TRPS1: variants seen among roughly 807,000 people sequenced by gnomAD.
TRPS1 encodes transcriptional repressor GATA binding 1, also known as zinc finger transcription factor Trps1.
Under a neutral mutation model 101.2 loss-of-function variants are expected in TRPS1, and 6 were observed. The observed-to-expected ratio is 0.06, with a 90% CI of 0.03 to 0.12. The LOEUF is 0.12. TRPS1 is among the 10% of genes least tolerant of loss of function. The probability of loss-of-function intolerance (pLI) is 1.00; values close to 1 mark genes in which losing one functional copy is unlikely to be tolerated. For missense variants in TRPS1, 1,363 were observed against 1,567.0 expected (o/e 0.87, Z 2.20); for synonymous variants, 578 against 589.8 (o/e 0.98, Z 0.29).
rs936422952 is a variant in TRPS1 at position 115,408,605 on chromosome 8, A to G, written c.*5418T>C. 14 of 151,508 alleles carry G rather than the reference A, an allele frequency of 9.2e-5. No individual in the cohort carries two copies. The Admixed American group carries it at 9.3e-4, about 10-fold the overall frequency. The allele number at this position is 151,508 out of a possible 1,614,324, so 9.4% of individuals were successfully genotyped here. A position where few individuals can be genotyped will look rare whatever the true frequency, so the allele number is the denominator to read the frequency against. ...ACACCAAGAACATGTTTGTGAGTAG[A>G]AATGAACATGCACTATGAAAACAAA... On this transcript the variant is annotated 3_prime_UTR_variant, in exon 7 of 7. Coordinates refer to ENST00000395715, the MANE Select transcript of TRPS1 (RefSeq NM_014112.5).
chr8:115,491,476 G>T (rs1815019547), intron 5 of TRPS1, among the ~76,000 whole-genome samples: 1 of 152,050 alleles, frequency 6.6e-6, no homozygotes. Flanking sequence ...GCTACCAGAA[G>T]GAATCATGGT....
At chr8:115,506,148 T>C (rs773937665) in intron 5 of TRPS1, among the ~76,000 whole-genome samples, 21 of 152,018 alleles carry the variant, frequency 1.4e-4, no homozygotes, top group Non-Finnish European at 2.9e-4. Flanking sequence ...CTAAAAGTTA[T>C]TGGTAAAATT....
chr8:115,629,537 C>T (rs1818591895), intron 1 of TRPS1, among the ~76,000 whole-genome samples: 2 of 151,806 alleles, frequency 1.3e-5, no homozygotes, highest in African/African-American at 4.8e-5. Context: ...TCTATTTTTT[C>T]AACTATTGTT....
intron 3 of TRPS1, 44 bp from the exon 4 acceptor site, chr8:115,605,046 A>G (rs761537999): frequency 6.3e-7 from 1 of 1,590,048 alleles, no homozygotes; most frequent in South Asian, 1.1e-5. Context: ...GGTGTCATTA[A>G]TTCAATGGGC....
At chr8:115,422,180 G>A (rs1813078890) in intron 5 of TRPS1, among the ~76,000 whole-genome samples, 1 of 151,750 alleles carries the variant, frequency 6.6e-6, no homozygotes, top group Non-Finnish European at 1.5e-5. Flanking sequence ...AAATAATCCT[G>A]CCTGCTATTT....
At chr8:115,543,859 T>G (rs1816510935) in intron 5 of TRPS1, among the ~76,000 whole-genome samples, 1 of 86,244 alleles carries the variant, frequency 1.2e-5, no homozygotes, top group African/African-American at 5.4e-5. Flanking sequence ...AGAAGTGATT[T>G]CTCTGAAATT....
chr8:115,544,687 C>CT (rs1224125138), intron 5 of TRPS1, among the ~76,000 whole-genome samples: 1 of 152,156 alleles, frequency 6.6e-6, no homozygotes, highest in African/African-American at 2.4e-5. Flanking sequence ...TATGGAGGCA[C>CT]TTACGTCCAC....
chr8:115,460,734 G>A (rs971415229), intron 5 of TRPS1, among the ~76,000 whole-genome samples: 5 of 151,986 alleles, frequency 3.3e-5, no homozygotes, highest in South Asian at 4.1e-4. Context: ...TTAATCAAAC[G>A]TCTAAGAAGT....
At chr8:115,562,685 T>C (rs947628935) in intron 5 of TRPS1, among the ~76,000 whole-genome samples, 2 of 152,058 alleles carry the variant, frequency 1.3e-5, no homozygotes, top group East Asian at 1.9e-4. Flanking sequence ...TTCAAGACAC[T>C]GCGCTGATAA....
chr8:115,558,184 C>T (rs1339965396), intron 5 of TRPS1, among the ~76,000 whole-genome samples: 1 of 151,946 alleles, frequency 6.6e-6, no homozygotes, highest in South Asian at 2.1e-4. Context: ...AAACTCTAGT[C>T]TAAGACCAGG....
chr8:115,580,245 A>AAAATAT (rs1554591592), intron 5 of TRPS1, among the ~76,000 whole-genome samples: 97 of 139,870 alleles, frequency 6.9e-4, no homozygotes, highest in African/African-American at 2.5e-3. Context: ...AAAAAAAAAA[A>AAAATAT]ATATATATAT....
intron 5 of TRPS1, among the ~76,000 whole-genome samples, chr8:115,440,276 G>A (rs1813558602): frequency 6.6e-6 from 1 of 152,208 alleles, no homozygotes; most frequent in African/African-American, 2.4e-5. Context: ...TAATGGCTAG[G>A]TGCATGCCTG....
chr8:115,498,637 G>T (rs766671047), intron 5 of TRPS1, among the ~76,000 whole-genome samples: 1 of 151,540 alleles, frequency 6.6e-6, no homozygotes, highest in Admixed American at 6.6e-5. Flanking sequence ...GAATCCTGTA[G>T]CTACAAAATT....
At chr8:115,429,972 G>A (rs1214613847) in intron 5 of TRPS1, among the ~76,000 whole-genome samples, 1 of 152,036 alleles carries the variant, frequency 6.6e-6, no homozygotes, top group Non-Finnish European at 1.5e-5. Context: ...AAATTACCAA[G>A]CTCTTAAAGA....
intron 1 of TRPS1, among the ~76,000 whole-genome samples, chr8:115,634,620 AT>A (rs1818725357): frequency 6.6e-6 from 1 of 152,154 alleles, no homozygotes; most frequent in Non-Finnish European, 1.5e-5. Flanking sequence ...CCTGCTAAAG[AT>A]AACTTGTTTA....
chr8:115,606,184 A>G (rs1818033806), intron 3 of TRPS1, among the ~76,000 whole-genome samples: 1 of 152,176 alleles, frequency 6.6e-6, no homozygotes, highest in Non-Finnish European at 1.5e-5. Context: ...AAAATCACGT[A>G]AAGGCTCTAT....
intron 5 of TRPS1, among the ~76,000 whole-genome samples, chr8:115,469,631 TGGAAGCTCCCAAGTAG>T (rs1814414860): frequency 7.0e-6 from 1 of 142,842 alleles, no homozygotes; most frequent in African/African-American, 3.1e-5. Flanking sequence ...CCCAAGTAGC[TGGAAGCTCCCAAGTAG>T]CTTCCACCAG....
At chr8:115,547,160 C>A (rs1260199247) in intron 5 of TRPS1, among the ~76,000 whole-genome samples, 2 of 152,084 alleles carry the variant, frequency 1.3e-5, no homozygotes, top group East Asian at 1.9e-4. Flanking sequence ...AATGCCATAT[C>A]AAATAGCAAA....
At chr8:115,636,952 A>T (rs1233446039) in intron 1 of TRPS1, among the ~76,000 whole-genome samples, 1 of 151,808 alleles carries the variant, frequency 6.6e-6, no homozygotes, top group African/African-American at 2.4e-5. Context: ...AAAAACACAC[A>T]CAAAAAAGTA....
Sources: gnomAD v4.1 joint callset for allele counts (sites outside exome capture counted in the v4.1 genomes callset) on GRCh38, gnomAD v4.1.1 for gene constraint, MANE v1.5 for transcripts, NCBI Gene and HGNC (gene_info 2026-07-23, HGNC 2026-07-21) for gene names.